KCNG2: variants seen among roughly 807,000 people sequenced by gnomAD.
KCNG2 encodes voltage-gated potassium channel regulatory subunit KCNG2.
KCNG2 carries 7 observed loss-of-function variants against 12.3 expected under a neutral mutation model. That is an observed-to-expected ratio of 0.57 (90% CI 0.32 to 1.07). The LOEUF (loss-of-function observed/expected upper bound fraction) is 1.07. KCNG2 is among the 50% of genes least tolerant of loss of function. The pLI is 0.04. For missense variants in KCNG2, 703 were observed against 726.0 expected (o/e 0.97, Z 0.36); for synonymous variants, 414 against 351.4 (o/e 1.18, Z -1.99).
At chr18:79,861,364 C>T (rs192122078) in intron 2 of KCNG2, among the ~76,000 whole-genome samples, 2 of 147,750 alleles carry the variant, frequency 1.4e-5, no homozygotes, top group Non-Finnish European at 3.0e-5. Flanking sequence ...CTGAAACCTC[C>T]GTTCCCAGGT....
intron 2 of KCNG2, among the ~76,000 whole-genome samples, 31 bp downstream of exon 2, chr18:79,856,483 A>G (rs887514251): frequency 2.6e-5 from 4 of 152,176 alleles, no homozygotes; most frequent in African/African-American, 9.7e-5. Context: ...AAGGGCAAGA[A>G]ACCTCAAGTC....
At chr18:79,872,580 G>A (rs12964590) in intron 3 of KCNG2, among the ~76,000 whole-genome samples, 53,576 of 152,054 alleles carry the variant, frequency 0.35, 11,214 homozygotes, top group Non-Finnish European at 0.45. Flanking sequence ...CACCGCGCCC[G>A]GCCAATTCTT....
intron 1 of KCNG2, among the ~76,000 whole-genome samples, chr18:79,817,999 A>C (rs1388257571): frequency 2.6e-5 from 4 of 152,230 alleles, no homozygotes; most frequent in African/African-American, 9.6e-5. Flanking sequence ...CCAAGGGCTC[A>C]GGGTGGGTGC....
At chr18:79,801,908 C>T (rs528632183) in intron 1 of KCNG2, among the ~76,000 whole-genome samples, 1 of 152,336 alleles carries the variant, frequency 6.6e-6, no homozygotes, top group East Asian at 1.9e-4. Flanking sequence ...TCACACTCAT[C>T]ACCTGGTTAA....
At chr18:79,869,124 C>A (rs754249907) in intron 3 of KCNG2, among the ~76,000 whole-genome samples, 2 of 152,142 alleles carry the variant, frequency 1.3e-5, no homozygotes, top group Non-Finnish European at 2.9e-5. Flanking sequence ...AGACCCCGAG[C>A]CAGAGTCCAG....
chr18:79,889,556 T>C (rs1346557652), intron 3 of KCNG2, among the ~76,000 whole-genome samples: 1 of 152,264 alleles, frequency 6.6e-6, no homozygotes, highest in African/African-American at 2.4e-5. Flanking sequence ...TCATTGCGAG[T>C]GTATAGAGAT....
chr18:79,836,738 C>T (rs1978329267), intron 1 of KCNG2, among the ~76,000 whole-genome samples: 1 of 152,126 alleles, frequency 6.6e-6, no homozygotes, highest in Admixed American at 6.5e-5. Flanking sequence ...CACTTTTAAA[C>T]CATGAGTCCT....
Position 79,800,120 on chromosome 18 carries a change from G to A in KCNG2, c.-115+2106G>A, listed in dbSNP as rs1405375660. 3.3e-5 allele frequency among the ~76,000 whole-genome samples: 5 copies of A among 152,048 alleles called. No homozygotes were observed. Among genetic ancestry groups the A allele is most frequent in the Non-Finnish European group, 1.5e-5 (1 of 68,008 alleles). Reference sequence around the variant, plus strand: ...CGGAGGGCTGTTTGTCGTGGGAGGCGCGTCTCTCTGCAGCCCTGGCAGGCG... The same window carrying A: ...CGGAGGGCTGTTTGTCGTGGGAGGCACGTCTCTCTGCAGCCCTGGCAGGCG... On this transcript the variant is annotated intron_variant, in intron 1 of 3. Transcript: ENST00000316249. This position sits in a 1 kb window ranked among gnomAD's most constrained non-coding sequence, Gnocchi z 4.0.
chr18:79,829,252 G>A (rs546244419), intron 1 of KCNG2, among the ~76,000 whole-genome samples: 78 of 149,370 alleles, frequency 5.2e-4, no homozygotes, highest in Non-Finnish European at 8.6e-4. Flanking sequence ...ATGTGTCTGC[G>A]TGTGTGTCTG....
At chr18:79,888,174 A>C (rs1980600292) in intron 3 of KCNG2, among the ~76,000 whole-genome samples, 1 of 150,772 alleles carries the variant, frequency 6.6e-6, no homozygotes, top group South Asian at 2.1e-4. Flanking sequence ...GGGGTGGAGG[A>C]GGCCATGGGG....
intron 1 of KCNG2, among the ~76,000 whole-genome samples, chr18:79,827,817 A>G (rs1978287305): frequency 6.6e-6 from 1 of 152,254 alleles, no homozygotes; most frequent in Non-Finnish European, 1.5e-5. Flanking sequence ...CTTCAGAGAC[A>G]AAAACAGTTT....
chr18:79,843,925 G>T (rs1197282835), intron 1 of KCNG2, among the ~76,000 whole-genome samples: 5 of 152,146 alleles, frequency 3.3e-5, no homozygotes, highest in African/African-American at 2.4e-5. Context: ...CCAATCAAAA[G>T]ACATAGAATC....
intron 1 of KCNG2, among the ~76,000 whole-genome samples, chr18:79,809,921 G>A (rs975895564): frequency 1.3e-5 from 2 of 152,196 alleles, no homozygotes; most frequent in African/African-American, 4.8e-5. Context: ...CCAACTTTCC[G>A]GGGCTCATGG....
intron 2 of KCNG2, among the ~76,000 whole-genome samples, 172 bp from the exon 3 acceptor site, chr18:79,863,456 G>A (rs1979299187): frequency 1.3e-5 from 2 of 152,234 alleles, no homozygotes; most frequent in Non-Finnish European, 2.9e-5. Context: ...GGTCCCCCAT[G>A]CGGACCAGGT....
intron 1 of KCNG2, among the ~76,000 whole-genome samples, chr18:79,813,889 C>T (rs1001113017): frequency 2.4e-4 from 37 of 152,224 alleles, no homozygotes; most frequent in Admixed American, 1.7e-3. Context: ...ATAAAGAACT[C>T]TCTAAATCAC....
intron 3 of KCNG2, among the ~76,000 whole-genome samples, chr18:79,892,799 CT>C (rs1357762371): frequency 6.6e-6 from 1 of 151,534 alleles, no homozygotes; most frequent in Admixed American, 6.6e-5. Context: ...TCTGTGTCTG[CT>C]TTTCATTGGG....
rs369960458 is a variant in KCNG2 at position 79,824,930 on chromosome 18, CTTA to C, written c.-115+26921_-115+26923del. Among the ~76,000 whole-genome samples the C allele has an allele frequency of 2.9e-4, 44 of 152,098 alleles. No homozygotes were observed. In the East Asian group the frequency reaches 8.3e-3, roughly 29 times the overall value. ...ATATTGAACTTAAGTTTTCTTTCTT[CTTA>C]TTATATTTGGTTTAAATATCAGTGT... On this transcript the variant is annotated intron_variant, in intron 1 of 3. Coordinates refer to ENST00000316249, the MANE Select transcript of KCNG2 (RefSeq NM_012283.2).
intron 3 of KCNG2, among the ~76,000 whole-genome samples, chr18:79,894,477 T>A (rs374388064): frequency 0.062 from 143 of 2,314 alleles, no homozygotes; most frequent in African/African-American, 0.11. Context: ...CTCCATTCAC[T>A]TCTAATGTTA....
At chr18:79,868,946 AC>A (rs2123085155) in intron 3 of KCNG2, among the ~76,000 whole-genome samples, 1 of 152,298 alleles carries the variant, frequency 6.6e-6, no homozygotes, top group South Asian at 2.1e-4. Flanking sequence ...AGTCGGTGTT[AC>A]TGACAGAATG....
Sources: allele counts gnomAD v4.1 joint callset (sites outside exome capture counted in the v4.1 genomes callset), GRCh38; gene constraint gnomAD v4.1.1; non-coding constraint Gnocchi (gnomAD v3.1); transcripts MANE v1.5; gene names NCBI Gene and HGNC (gene_info 2026-07-23, HGNC 2026-07-21).